FBXW7: variants seen among roughly 807,000 people sequenced by gnomAD.
FBXW7 encodes F-box/WD repeat-containing protein 7.
In FBXW7, 11 loss-of-function variants were observed where a neutral mutation model predicts 86.3. The ratio of observed to expected loss-of-function variants is 0.13; its 90% CI spans 0.08 to 0.21. FBXW7 has a LOEUF of 0.21. FBXW7 is among the 10% of genes least tolerant of loss of function. The probability of loss-of-function intolerance (pLI) is 1.00; values close to 1 mark genes in which losing one functional copy is unlikely to be tolerated. For missense variants in FBXW7, 488 were observed against 847.4 expected, an observed-to-expected ratio of 0.58 and a Z score of 5.27; for synonymous variants, 313 against 297.9, an observed-to-expected ratio of 1.05 and a Z score of -0.52.
intron 4 of FBXW7, among the ~76,000 whole-genome samples, chr4:152,360,444 C>T (rs772480500): frequency 7.9e-5 from 12 of 152,098 alleles, no homozygotes; most frequent in African/African-American, 2.2e-4. Context: ...AAAAGTTACT[C>T]GGGGCAACAG....
At chr4:152,334,570 TC>T (rs1313331066) in intron 7 of FBXW7, among the ~76,000 whole-genome samples, 1 of 152,192 alleles carries the variant, frequency 6.6e-6, no homozygotes, top group Non-Finnish European at 1.5e-5. Flanking sequence ...GAAGTACAAA[TC>T]AGGTAATTTA....
At chr4:152,452,755 T>A (rs1050690973) in intron 2 of FBXW7, among the ~76,000 whole-genome samples, 1 of 152,074 alleles carries the variant, frequency 6.6e-6, no homozygotes, top group Non-Finnish European at 1.5e-5. Context: ...TTTTAAGTAA[T>A]TTTTTTTCCT....
intron 4 of FBXW7, among the ~76,000 whole-genome samples, chr4:152,401,320 CTG>C (rs1736905660): frequency 6.6e-6 from 1 of 152,138 alleles, no homozygotes; most frequent in African/African-American, 2.4e-5. Flanking sequence ...AGTGGATAAA[CTG>C]TGGTATATCC....
At chr4:152,324,103 T>A in intron 13 of FBXW7, 81 bp downstream of exon 13, 1 of 1,119,852 alleles carries the variant, frequency 8.9e-7, no homozygotes, top group East Asian at 2.4e-5. Context: ...GTTGACTCTT[T>A]TTGTGATGCT....
intron 4 of FBXW7, among the ~76,000 whole-genome samples, chr4:152,394,361 G>A (rs1345129355): frequency 6.6e-6 from 1 of 152,022 alleles, no homozygotes; most frequent in Non-Finnish European, 1.5e-5. Context: ...TTTCATATGA[G>A]TACTCAAAGC....
intron 2 of FBXW7, among the ~76,000 whole-genome samples, chr4:152,485,700 T>C (rs372593013): frequency 2.6e-5 from 4 of 152,170 alleles, no homozygotes; most frequent in South Asian, 2.1e-4. Context: ...ACAAGAACTT[T>C]TGGTAAAATA....
chr4:152,436,050 C>T (rs1289952166), intron 2 of FBXW7, among the ~76,000 whole-genome samples: 1 of 152,078 alleles, frequency 6.6e-6, no homozygotes, highest in African/African-American at 2.4e-5. Context: ...CTCCCTATCC[C>T]CTAAGACAAA....
chr4:152,424,416 G>C (rs2037210), intron 2 of FBXW7, among the ~76,000 whole-genome samples: 40 of 152,100 alleles, frequency 2.6e-4, no homozygotes, highest in African/African-American at 5.6e-4. Flanking sequence ...CAGAAATATA[G>C]CTAGAGACAC....
At chr4:152,446,319 C>CA (rs371028631) in intron 2 of FBXW7, among the ~76,000 whole-genome samples, 1 of 146,830 alleles carries the variant, frequency 6.8e-6, no homozygotes, top group Non-Finnish European at 1.5e-5. Flanking sequence ...CCCACCCCCC[C>CA]AAAAAAAGAC....
At chr4:152,331,260 C>G (rs1183797607) in intron 8 of FBXW7, among the ~76,000 whole-genome samples, 1 of 152,010 alleles carries the variant, frequency 6.6e-6, no homozygotes, top group African/African-American at 2.4e-5. Flanking sequence ...AAAGCAGAGT[C>G]TCAAACAGTC....
intron 4 of FBXW7, among the ~76,000 whole-genome samples, chr4:152,380,064 T>C (rs7673175): frequency 0.36 from 54,783 of 151,884 alleles, 10,486 homozygotes; most frequent in African/African-American, 0.49. Context: ...TCATAAGCAA[T>C]AACTATACAT....
At chr4:152,525,942 T>C (rs1273123347) in intron 2 of FBXW7, among the ~76,000 whole-genome samples, 2 of 152,230 alleles carry the variant, frequency 1.3e-5, no homozygotes, top group African/African-American at 4.8e-5. Context: ...AGTGTTCCCT[T>C]TTCTCCACAA....
intron 2 of FBXW7, among the ~76,000 whole-genome samples, chr4:152,465,177 G>A (rs1170527754): frequency 1.3e-5 from 2 of 151,596 alleles, no homozygotes; most frequent in Non-Finnish European, 1.5e-5. Context: ...TGGTTTAAAG[G>A]GTACTTACCT....
intron 2 of FBXW7, among the ~76,000 whole-genome samples, chr4:152,446,014 G>A (rs1240163167): frequency 6.6e-6 from 1 of 150,974 alleles, no homozygotes; most frequent in Non-Finnish European, 1.5e-5. Context: ...ATTTTGCCTA[G>A]GCAACAAAGA....
chr4:152,434,650 G>C (rs1159337145), intron 2 of FBXW7, among the ~76,000 whole-genome samples: 1 of 152,062 alleles, frequency 6.6e-6, no homozygotes, highest in Non-Finnish European at 1.5e-5. Context: ...ATAGTTCCTT[G>C]ACAAGGATAT....
intron 2 of FBXW7, among the ~76,000 whole-genome samples, chr4:152,454,906 A>T (rs560309611): frequency 6.6e-6 from 1 of 152,226 alleles, no homozygotes; most frequent in Middle Eastern, 3.4e-3. Flanking sequence ...TTAATAATAA[A>T]AAAGCATATA....
Position 152,535,511 on chromosome 4 carries a change from C to A in FBXW7, c.-597G>T. The A allele has an allele frequency of 2.5e-6, 1 of 395,064 alleles. No homozygotes were observed. The highest frequency in any genetic ancestry group is 1.3e-4 in the South Asian group (1 of 7,650). The allele number at this position is 395,064 out of a possible 1,614,324, so 24.5% of individuals were successfully genotyped here. ...GCCCCCCCGGCCGGGGGGTGGTTGC[C>A]GAGCTTGGTTGGGGCCCCGGTTCAT... On this transcript the variant is annotated 5_prime_UTR_variant, in exon 1 of 14. Transcript: ENST00000281708.
chr4:152,419,444 T>TTGGA (rs1344835454), intron 2 of FBXW7, among the ~76,000 whole-genome samples: 1 of 148,458 alleles, frequency 6.7e-6, no homozygotes, highest in Middle Eastern at 3.3e-3. Context: ...CACATCACTT[T>TTGGA]TGGATCTCAC....
intron 2 of FBXW7, among the ~76,000 whole-genome samples, chr4:152,488,735 T>A (rs1471953368): frequency 6.6e-6 from 1 of 152,078 alleles, no homozygotes; most frequent in Non-Finnish European, 1.5e-5. Context: ...TGTTTTCCCA[T>A]AAAAACCAAT....
Sources: gnomAD v4.1 joint callset for allele counts (sites outside exome capture counted in the v4.1 genomes callset) on GRCh38, gnomAD v4.1.1 for gene constraint, MANE v1.5 for transcripts, NCBI Gene and HGNC (gene_info 2026-07-23, HGNC 2026-07-21) for gene names.